PCDHGB4: variants seen among roughly 807,000 people sequenced by gnomAD.
PCDHGB4 encodes protocadherin gamma subfamily B, 4, also known as protocadherin gamma-B4.
PCDHGB4 carries 38 observed loss-of-function variants against 60.5 expected under a neutral mutation model. The ratio of observed to expected loss-of-function variants is 0.63; its 90% CI spans 0.48 to 0.82. The LOEUF (loss-of-function observed/expected upper bound fraction) is 0.82, where lower values mean the gene tolerates loss of function less well. Among genes scored for constraint, PCDHGB4 ranks in the 40% least tolerant of loss-of-function variants. The probability of loss-of-function intolerance (pLI) is 0.00; values close to 1 mark genes in which losing one functional copy is unlikely to be tolerated. For missense variants in PCDHGB4, 1,109 were observed against 1,209.6 expected, an observed-to-expected ratio of 0.92 and a Z score of 1.23; for synonymous variants, 456 against 509.7, an observed-to-expected ratio of 0.89 and a Z score of 1.42.
At position 141,432,688 on chromosome 5, in the gene PCDHGB4, A is replaced by G. The variant is rs143889434; in HGVS notation, c.2397+42407A>G. On this transcript the variant is annotated intron_variant, in intron 1 of 3. Coordinates refer to ENST00000519479, the MANE Select transcript of PCDHGB4 (RefSeq NM_003736.4). The surrounding 1 kb of genome is among the most constrained non-coding windows in gnomAD (Gnocchi z 6.0). ...GAGACGCGCTCAAGCAGAGCCTCGT[A>G]GTGGCCGTCCAGGACCACGGCCAGC... 2,218 of 1,613,894 alleles carry G rather than the reference A, an allele frequency of 1.4e-3. 31 individuals are homozygous for G. The African/African-American group carries it at 0.023, about 17-fold the overall frequency.
chr5:141,405,858 T>C (rs2094727577), intron 1 of PCDHGB4, among the ~76,000 whole-genome samples: 1 of 152,200 alleles, frequency 6.6e-6, no homozygotes, highest in Non-Finnish European at 1.5e-5. Flanking sequence ...GTGTTTCTCA[T>C]CACTTTTCAC....
intron 1 of PCDHGB4, among the ~76,000 whole-genome samples, chr5:141,480,873 C>A (rs1026513782): frequency 6.6e-6 from 1 of 152,168 alleles, no homozygotes; most frequent in East Asian, 1.9e-4. Context: ...GGTGAAACCC[C>A]GTCTCTACTA....
Position 141,491,504 on chromosome 5 carries a change from G to T in PCDHGB4, c.2398-3303G>T. 6.2e-7 allele frequency: 1 copy of T among 1,614,048 alleles called. No homozygotes were observed. The highest frequency in any genetic ancestry group is 2.2e-5 in the East Asian group (1 of 44,876). Reference sequence around the variant, plus strand: ...CCCAACCTGCAGGTGAGCTCGGACGGCACGCTCAAGTACATGGAGGTGACG... The same window carrying T: ...CCCAACCTGCAGGTGAGCTCGGACGTCACGCTCAAGTACATGGAGGTGACG... On this transcript the variant is annotated intron_variant, in intron 1 of 3. Transcript: ENST00000519479. The surrounding 1 kb of genome is among the most constrained non-coding windows in gnomAD (Gnocchi z 6.9).
rs530001704 is a variant in PCDHGB4, at chr5:141,434,708, ATC to A, written c.2397+44431_2397+44432del. 3.9e-3 allele frequency among the ~76,000 whole-genome samples: 589 copies of A among 152,052 alleles called. 6 individuals are homozygous for A. The highest frequency in any genetic ancestry group is 0.011 in the Admixed American group (170 of 15,250). ...TTGCTGTTAATAAATATGTGGGTAA[ATC>A]TCTGTTCAGGGCTCTCAGCTCTGAA... On this transcript the variant is annotated intron_variant, in intron 1 of 3. Coordinates refer to ENST00000519479, the MANE Select transcript of PCDHGB4 (RefSeq NM_003736.4).
rs150692324 is a variant in PCDHGB4 at position 141,431,149 on chromosome 5, G to T, written c.2397+40868G>T. 1.2e-6 allele frequency: 2 copies of T among 1,614,210 alleles called. No homozygotes were observed. Among genetic ancestry groups the T allele is most frequent in the Non-Finnish European group, 1.7e-6 (2 of 1,180,020 alleles). ...AAGTAAGGGACATTAACGACAATGC[G>T]CCTTACTTTCGTGAAAGTGAATTAG... On this transcript the variant is annotated intron_variant, in intron 1 of 3. Coordinates refer to ENST00000519479, the MANE Select transcript of PCDHGB4 (RefSeq NM_003736.4). This position sits in a 1 kb window ranked among gnomAD's most constrained non-coding sequence, Gnocchi z 4.8.
rs544291535 is a variant in PCDHGB4 at position 141,433,938 on chromosome 5, C to T, written c.2397+43657C>T. 4.6e-5 allele frequency among the ~76,000 whole-genome samples: 7 copies of T among 151,784 alleles called. No homozygotes were observed. The South Asian group carries it at 1.3e-3, about 27-fold the overall frequency. On this transcript the variant is annotated intron_variant, in intron 1 of 3. Coordinates refer to ENST00000519479, the MANE Select transcript of PCDHGB4 (RefSeq NM_003736.4). ...CCTCCAAATGAAGATTTTATAATTCCATTGTTTCTTCTACAGTTGTTAATT... is the reference window on the plus strand; with the variant it reads ...CCTCCAAATGAAGATTTTATAATTCTATTGTTTCTTCTACAGTTGTTAATT...
intron 1 of PCDHGB4, chr5:141,415,520 C>T: frequency 6.2e-7 from 1 of 1,614,190 alleles, no homozygotes; most frequent in Non-Finnish European, 8.5e-7. Flanking sequence ...TATGCGGACA[C>T]GCTCATCAGC....
intron 1 of PCDHGB4, among the ~76,000 whole-genome samples, chr5:141,481,171 C>G (rs927813327): frequency 6.6e-6 from 1 of 152,120 alleles, no homozygotes; most frequent in African/African-American, 2.4e-5. Flanking sequence ...AACCAGAATC[C>G]AGCTTTATTG....
chr5:141,405,840 A>ATATCAGTGT (rs2094725824), intron 1 of PCDHGB4, among the ~76,000 whole-genome samples: 1 of 152,188 alleles, frequency 6.6e-6, no homozygotes, highest in Non-Finnish European at 1.5e-5. Context: ...GTATAAGTTG[A>ATATCAGTGT]TATCAGTGTG....
In PCDHGB4 at chr5:141,489,801, T is replaced by C. The variant is rs201458939; in HGVS notation, c.2398-5006T>C. 6.2e-7 allele frequency: 1 copy of C among 1,614,148 alleles called. No homozygotes were observed. On this transcript the variant is annotated intron_variant, in intron 1 of 3. Coordinates refer to ENST00000519479, the MANE Select transcript of PCDHGB4 (RefSeq NM_003736.4). The surrounding 1 kb of genome is among the most constrained non-coding windows in gnomAD (Gnocchi z 4.5). The stretch of plus-strand genomic sequence containing the variant: ...CTCTGAATGTGAAGACCCTAAAAGA[T>C]GGGAAGCCATTCCCAGAGCTGGTGC...
chr5:141,415,197 A>G, intron 1 of PCDHGB4: 1 of 1,614,016 alleles, frequency 6.2e-7, no homozygotes, highest in African/African-American at 1.3e-5. Context: ...GCATCCCCCA[A>G]GTCCTGGCGG....
At chr5:141,498,971 G>GGGAGGGAAGGAAGGAA (rs2099787588) in intron 2 of PCDHGB4, among the ~76,000 whole-genome samples, 1 of 110,970 alleles carries the variant, frequency 9.0e-6, no homozygotes, top group African/African-American at 3.6e-5. Flanking sequence ...GAGGGAGGGA[G>GGGAGGGAAGGAAGGAA]GGAAGGAAGG....
At chr5:141,424,982 G>T (rs2096852076) in intron 1 of PCDHGB4, among the ~76,000 whole-genome samples, 1 of 152,106 alleles carries the variant, frequency 6.6e-6, no homozygotes, top group South Asian at 2.1e-4. Context: ...GGATATTTAT[G>T]TTCCCTTTCA....
chr5:141,431,420 G>A lies in PCDHGB4; in HGVS notation c.2397+41139G>A, dbSNP rs780266425. ...TACGGCCTCCGACGGGGGCGACCCG[G>A]TGCGCACAGGCACCGCGCGCATCCG... On this transcript the variant is annotated intron_variant, in intron 1 of 3. Coordinates refer to ENST00000519479, the MANE Select transcript of PCDHGB4 (RefSeq NM_003736.4). The surrounding 1 kb of genome is among the most constrained non-coding windows in gnomAD (Gnocchi z 4.8). 5 of 1,613,592 alleles carry A rather than the reference G, an allele frequency of 3.1e-6. No homozygotes were observed. The highest frequency in any genetic ancestry group is 3.4e-6 in the Non-Finnish European group (4 of 1,180,050).
rs1596259997 is a variant in PCDHGB4, at chr5:141,509,990, A to G, written c.2546-957A>G. Among the ~76,000 whole-genome samples the G allele has an allele frequency of 2.6e-5, 4 of 152,266 alleles. No individual in the cohort carries two copies. The South Asian group carries it at 8.3e-4, about 32-fold the overall frequency. ...GGTCCTTCTAACACTTGGTTCCCTC[A>G]TCTGTAAAATGAGGGTCATACCACA... is the stretch of plus-strand genomic sequence containing the variant. On this transcript the variant is annotated intron_variant, in intron 3 of 3. Transcript: ENST00000519479.
intron 1 of PCDHGB4, chr5:141,393,052 G>T (rs771952632): frequency 6.2e-7 from 1 of 1,613,614 alleles, no homozygotes; most frequent in Non-Finnish European, 8.5e-7. Context: ...CTGAACCCGC[G>T]CAGCGGCAGC....
rs188117490 is a variant in PCDHGB4 at position 141,507,256 on chromosome 5, C to G, written c.2545+1775C>G. 3 of 152,178 alleles carry G rather than the reference C, an allele frequency of 2.0e-5. No individual in the cohort carries two copies. In the East Asian group the frequency reaches 5.8e-4, roughly 29 times the overall value. The allele number at this position is 152,178 out of a possible 1,614,324, so 9.4% of individuals were successfully genotyped here. ...CAGTTACAGTTGAATGTCAGATAAA[C>G]AGCAAGTACTATTTCAGCATAAGTC... On this transcript the variant is annotated intron_variant, in intron 3 of 3. Coordinates refer to ENST00000519479, the MANE Select transcript of PCDHGB4 (RefSeq NM_003736.4).
intron 1 of PCDHGB4, chr5:141,415,000 T>G: frequency 6.2e-7 from 1 of 1,613,660 alleles, no homozygotes; most frequent in Non-Finnish European, 8.5e-7. Context: ...CGCCTGGCTG[T>G]CCTACCGTCT....
At chr5:141,403,501 G>A in intron 1 of PCDHGB4, 1 of 1,614,048 alleles carries the variant, frequency 6.2e-7, no homozygotes, top group South Asian at 1.1e-5. Context: ...TGAACGTGCA[G>A]ACTGGAGACA....
Sources: gnomAD v4.1 joint callset for allele counts (sites outside exome capture counted in the v4.1 genomes callset) on GRCh38, gnomAD v4.1.1 for gene constraint, Gnocchi (gnomAD v3.1) non-coding constraint, MANE v1.5 for transcripts, NCBI Gene and HGNC (gene_info 2026-07-23, HGNC 2026-07-21) for gene names.